Variants in BICD1 observed in about 807,000 individuals in gnomAD.
BICD1 encodes the protein protein bicaudal D homolog 1.
A neutral mutation model predicts 92.5 loss-of-function variants in BICD1; 35 were observed. That is an observed-to-expected ratio of 0.38 (90% confidence interval 0.29 to 0.50). The LOEUF is 0.50. Among genes scored for constraint, BICD1 ranks in the 20% least tolerant of loss-of-function variants. BICD1 has a pLI of 0.93. For missense variants in BICD1, 950 were observed against 1,189.8 expected (o/e 0.80, Z 2.97); for synonymous variants, 429 against 465.1 (o/e 0.92, Z 1.00).
chr12:32,233,424 T>G (rs961399846), intron 2 of BICD1, among the ~76,000 whole-genome samples: 2 of 151,892 alleles, frequency 1.3e-5, no homozygotes, highest in Admixed American at 1.3e-4. Context: ...AAATAAGCAG[T>G]GGAAAGCAGC....
At chr12:32,367,785 T>A in intron 9 of BICD1, 40 bp downstream of exon 9, 1 of 1,564,998 alleles carries the variant, frequency 6.4e-7, no homozygotes, top group African/African-American at 1.4e-5. Context: ...CAGCTGCATG[T>A]CAGATCCATA....
rs952527756 is a variant in BICD1, at chr12:32,106,993, T to G, written c.-339T>G. 4.2e-5 allele frequency: 12 copies of G among 287,360 alleles called. No homozygotes were observed. The highest frequency in any genetic ancestry group is 6.9e-5 in the African/African-American group (3 of 43,738). 17.8% of individuals were successfully genotyped at this position (287,360 alleles called of 1,614,324 possible). A position where few individuals can be genotyped will look rare whatever the true frequency, so the allele number is the denominator to read the frequency against. Reference sequence around the variant, plus strand: ...GACGGGCGTCTCTGAATAAGCAGAATCCGGAGCCCCTCGCTACCCGCGGCC... The same window carrying G: ...GACGGGCGTCTCTGAATAAGCAGAAGCCGGAGCCCCTCGCTACCCGCGGCC... On this transcript the variant is annotated 5_prime_UTR_variant, in exon 1 of 10. Coordinates refer to ENST00000652176, the MANE Select transcript of BICD1 (RefSeq NM_001714.4).
intron 8 of BICD1, among the ~76,000 whole-genome samples, chr12:32,345,802 A>T (rs1040158421): frequency 4.6e-5 from 7 of 152,254 alleles, no homozygotes; most frequent in Non-Finnish European, 1.0e-4. Flanking sequence ...GAAATATGAT[A>T]TAAACCATAT....
At chr12:32,135,616 G>C (rs1224234861) in intron 1 of BICD1, among the ~76,000 whole-genome samples, 2 of 151,878 alleles carry the variant, frequency 1.3e-5, no homozygotes, top group Non-Finnish European at 2.9e-5. Flanking sequence ...GGCTGGCCTG[G>C]TCTCAAATTC....
intron 5 of BICD1, chr12:32,332,813 T>C (rs1208031963): frequency 1.0e-6 from 1 of 958,450 alleles, no homozygotes; most frequent in Admixed American, 6.2e-5. Flanking sequence ...CAAAATAGAA[T>C]AATATATTCA....
chr12:32,279,077 G>A (rs541524297), intron 2 of BICD1, among the ~76,000 whole-genome samples: 2 of 152,250 alleles, frequency 1.3e-5, no homozygotes, highest in African/African-American at 4.8e-5. Flanking sequence ...AAGGTTATAT[G>A]AGCATTAACC....
intron 1 of BICD1, among the ~76,000 whole-genome samples, chr12:32,145,196 A>T (rs1343061834): frequency 6.6e-6 from 1 of 152,188 alleles, no homozygotes; most frequent in Non-Finnish European, 1.5e-5. Context: ...AAAGAATAAA[A>T]AAGCCATAAT....
chr12:32,276,571 C>A (rs1163879557), intron 2 of BICD1, among the ~76,000 whole-genome samples: 1 of 152,140 alleles, frequency 6.6e-6, no homozygotes, highest in Non-Finnish European at 1.5e-5. Flanking sequence ...AGGATATAAA[C>A]CCAGGCATTC....
intron 1 of BICD1, among the ~76,000 whole-genome samples, chr12:32,142,427 A>AC (rs1942959583): frequency 2.1e-5 from 1 of 48,522 alleles, no homozygotes; most frequent in African/African-American, 9.4e-5. Context: ...AAAAAAAAAA[A>AC]AAAACAAAAA....
intron 3 of BICD1, among the ~76,000 whole-genome samples, chr12:32,300,631 ATTTTTTTT>A (rs34219566): frequency 3.6e-3 from 294 of 80,590 alleles, no homozygotes; most frequent in South Asian, 0.013. Flanking sequence ...ACTTTACAGT[ATTTTTTTT>A]TTTTTTTTTT....
At chr12:32,369,739 A>AT (rs1194901238) in intron 9 of BICD1, among the ~76,000 whole-genome samples, 50 of 128,246 alleles carry the variant, frequency 3.9e-4, no homozygotes, top group African/African-American at 1.5e-3. Flanking sequence ...ACCTCTACCA[A>AT]ATTTTTTTTT....
rs193090598 is a variant in BICD1, at chr12:32,307,774, T to C, written c.1005+1652T>C. Reference sequence around the variant, plus strand: ...GTTTACACTAATATGACTAGATTGATTGAAACAGAAAACATATTTCCTTGT... The same window carrying C: ...GTTTACACTAATATGACTAGATTGACTGAAACAGAAAACATATTTCCTTGT... On this transcript the variant is annotated intron_variant, in intron 4 of 9. Coordinates refer to ENST00000652176, the MANE Select transcript of BICD1 (RefSeq NM_001714.4). Among the ~76,000 whole-genome samples, 1,405 of 152,332 alleles carry C rather than the reference T, an allele frequency of 9.2e-3. 19 individuals are homozygous for C. Among genetic ancestry groups the C allele is most frequent in the Non-Finnish European group, 0.012 (806 of 68,030 alleles).
chr12:32,206,232 C>T (rs917308003), intron 1 of BICD1, among the ~76,000 whole-genome samples: 1 of 152,152 alleles, frequency 6.6e-6, no homozygotes, highest in African/African-American at 2.4e-5. Flanking sequence ...GGTTGGATTG[C>T]ATGGTAGGAA....
At chr12:32,117,021 G>A (rs1941940910) in intron 1 of BICD1, among the ~76,000 whole-genome samples, 1 of 152,006 alleles carries the variant, frequency 6.6e-6, no homozygotes, top group Non-Finnish European at 1.5e-5. Context: ...TTTCATTGAT[G>A]CGTCTGTACT....
At chr12:32,272,383 A>C (rs1947164339) in intron 2 of BICD1, among the ~76,000 whole-genome samples, 1 of 152,252 alleles carries the variant, frequency 6.6e-6, no homozygotes, top group Non-Finnish European at 1.5e-5. Flanking sequence ...ATAAGTGTGC[A>C]TTCATCTAAA....
At chr12:32,121,064 G>A (rs547138618) in intron 1 of BICD1, among the ~76,000 whole-genome samples, 4 of 151,582 alleles carry the variant, frequency 2.6e-5, no homozygotes, top group South Asian at 4.2e-4. Flanking sequence ...CGCCTCCTGG[G>A]TTCAAGTGAT....
chr12:32,270,405 G>A (rs1053329856), intron 2 of BICD1, among the ~76,000 whole-genome samples: 2 of 152,054 alleles, frequency 1.3e-5, no homozygotes, highest in Admixed American at 6.6e-5. Context: ...TAAAAGTTTC[G>A]TTGTTGTAGA....
chr12:32,207,798 G>T (rs1945103750), intron 1 of BICD1, among the ~76,000 whole-genome samples: 1 of 152,180 alleles, frequency 6.6e-6, no homozygotes, highest in Non-Finnish European at 1.5e-5. Flanking sequence ...CTCTGTGTTT[G>T]TCTTTGTACA....
chr12:32,127,213 A>G (rs946675508), intron 1 of BICD1, among the ~76,000 whole-genome samples: 6 of 152,174 alleles, frequency 3.9e-5, no homozygotes, highest in Non-Finnish European at 8.8e-5. Flanking sequence ...TCTATTCTTA[A>G]GAAATCCTTT....
Sources: allele counts gnomAD v4.1 joint callset (sites outside exome capture counted in the v4.1 genomes callset), GRCh38; gene constraint gnomAD v4.1.1; transcripts MANE v1.5; gene names NCBI Gene and HGNC (gene_info 2026-07-23, HGNC 2026-07-21).